ABR: variants seen among roughly 807,000 people sequenced by gnomAD.
ABR encodes active breakpoint cluster region-related protein.
In ABR, 35 loss-of-function variants were observed where a neutral mutation model predicts 107.2. The ratio of observed to expected loss-of-function variants is 0.33; its 90% CI spans 0.25 to 0.43. ABR has a LOEUF of 0.43. Ranked by LOEUF, ABR falls within the 20% of genes least tolerant of loss-of-function variation. The pLI is 1.00. For missense variants in ABR, 815 were observed against 1,115.2 expected, an observed-to-expected ratio of 0.73 and a Z score of 3.83; for synonymous variants, 498 against 462.0, an observed-to-expected ratio of 1.08 and a Z score of -1.00.
intron 16 of ABR, among the ~76,000 whole-genome samples, chr17:1,028,792 C>T (rs1435970510): frequency 6.6e-6 from 1 of 152,230 alleles, no homozygotes; most frequent in Non-Finnish European, 1.5e-5. Flanking sequence ...CGCCGGCCAG[C>T]ATCTGGCCTG....
chr17:1,090,140 A>C (rs991559325), intron 4 of ABR, among the ~76,000 whole-genome samples: 1 of 152,168 alleles, frequency 6.6e-6, no homozygotes, highest in African/African-American at 2.4e-5. Flanking sequence ...GAGAGGGGGA[A>C]GGACGTTTCA....
rs761667866 is a variant in ABR, at chr17:1,072,645, C to A, written c.863G>T (p.Arg288Leu). Residue 288 changes from arginine to leucine, a missense_variant, in exon 8 of 23, where the codon CGC (arginine) becomes CTC (leucine). By Grantham distance (102) the Arg-to-Leu change is moderately radical. Around this residue, in one of 5 missense-constraint regions of ABR, gnomAD observed 385 missense variants for 596.9 expected, o/e 0.64. Coordinates refer to ENST00000302538, the MANE Select transcript of ABR (RefSeq NM_021962.5). ...CTTGGGCGTTGTCACTGCAGTCCGG[C>A]GGGGGTCGATGTCCTCGTTGATGCT... ...LSSINEDIDP[R>L]RTAVTTPKGE... The A allele has an allele frequency of 3.7e-6, 6 of 1,611,354 alleles. No individual in the cohort carries two copies. Among genetic ancestry groups the A allele is most frequent in the Non-Finnish European group, 2.5e-6 (3 of 1,178,946 alleles).
chr17:1,138,494 T>TA (rs1456356337), intron 1 of ABR, among the ~76,000 whole-genome samples: 2 of 152,276 alleles, frequency 1.3e-5, no homozygotes, highest in East Asian at 1.9e-4. Context: ...TTGTTTTTTT[T>TA]AGAGACAGAG....
At position 1,051,279 on chromosome 17, in the gene ABR, A is replaced by G. The variant is rs2032483654; in HGVS notation, c.1562-645T>C. Among the ~76,000 whole-genome samples the G allele has an allele frequency of 1.3e-5, 2 of 152,174 alleles. No individual in the cohort carries two copies. Among genetic ancestry groups the G allele is most frequent in the Non-Finnish European group, 2.9e-5 (2 of 68,024 alleles). On this transcript the variant is annotated intron_variant, in intron 14 of 22. Transcript: ENST00000302538. The surrounding 1 kb of genome is among the most constrained non-coding windows in gnomAD (Gnocchi z 4.3). ...CCTAGTCTCTCTCCCCCCACGACGT[A>G]AACACCATGTGGAGAGAAGCCTGGG...
intron 1 of ABR, chr17:1,228,251 C>G (rs1272561262): frequency 6.6e-6 from 1 of 152,280 alleles, no homozygotes; most frequent in Non-Finnish European, 1.5e-5. Context: ...TGGTGAGGGC[C>G]GTGGCCCTTC....
intron 1 of ABR, among the ~76,000 whole-genome samples, chr17:1,161,509 GT>G (rs1296682798): frequency 6.6e-6 from 1 of 151,112 alleles, no homozygotes; most frequent in African/African-American, 2.4e-5. Context: ...GCCTCCCAAA[GT>G]GCTAGGATAA....
rs765311229 is a variant in ABR at position 1,125,430 on chromosome 17, C to T, written c.62-63G>A. The T allele has an allele frequency of 3.8e-5, 60 of 1,587,140 alleles. 1 individual carries two copies. The East Asian group carries it at 3.8e-4, about 10-fold the overall frequency. ...CACCAGAGCTGCCAGGGACTGGTAG[C>T]GTAGTGGGCGCCGGCGGCGGCCCCC... On this transcript the variant is annotated intron_variant, in intron 1 of 22. Transcript: ENST00000302538.
chr17:1,047,650 C>T (rs1349317095), intron 16 of ABR, among the ~76,000 whole-genome samples: 1 of 152,254 alleles, frequency 6.6e-6, no homozygotes, highest in Non-Finnish European at 1.5e-5. Context: ...TTAATATCAA[C>T]TCCCAGGCAT....
chr17:1,091,304 G>A lies in ABR; in HGVS notation c.531+361C>T, dbSNP rs139668169. ...CCCTCCGGGAGAGAGAGGGAGCACC[G>A]TCCGGGAAAGACGGAGCACCCTCCG... is the stretch of plus-strand genomic sequence containing the variant. On this transcript the variant is annotated intron_variant, in intron 4 of 22. Transcript: ENST00000302538. Among the ~76,000 whole-genome samples, 1,114 of 151,552 alleles carry A rather than the reference G, an allele frequency of 7.4e-3. 19 individuals carry two copies. The highest frequency in any genetic ancestry group is 0.026 in the African/African-American group (1,073 of 41,296).
At chr17:1,023,758 T>C (rs1272862661) in intron 16 of ABR, among the ~76,000 whole-genome samples, 1 of 152,006 alleles carries the variant, frequency 6.6e-6, no homozygotes, top group African/African-American at 2.4e-5. Context: ...GGCGCGGTGG[T>C]TCACACCTGT....
intron 21 of ABR, 42 bp from the exon 22 acceptor site, chr17:1,007,354 C>A: frequency 6.2e-7 from 1 of 1,610,870 alleles, no homozygotes; most frequent in Non-Finnish European, 8.5e-7. Context: ...CCTTCCTCAG[C>A]AGCCACTCGG....
rs752552337 is a variant in ABR at position 1,067,261 on chromosome 17, G to A, written c.1017-19C>T. 2 of 1,555,640 alleles carry A rather than the reference G, an allele frequency of 1.3e-6. No homozygotes were observed. Among genetic ancestry groups the A allele is most frequent in the East Asian group, 4.6e-5 (2 of 43,956 alleles). ...GTGCTTCCTGCAAACGAGCCAGAGG[G>A]AGCCATGAGCCAGAGGGAGCCTGGC... On this transcript the variant is annotated intron_variant, in intron 9 of 22. Transcript: ENST00000302538.
rs2035165935 is a variant in ABR, at chr17:1,070,664, G to C, written c.895-574C>G. On this transcript the variant is annotated intron_variant, in intron 8 of 22. Coordinates refer to ENST00000302538, the MANE Select transcript of ABR (RefSeq NM_021962.5). The surrounding 1 kb of genome is among the most constrained non-coding windows in gnomAD (Gnocchi z 4.2). The stretch of plus-strand genomic sequence containing the variant: ...GATGAGACCTGGGCCCTCCAGCCTG[G>C]GACTGCAGCAGTGCCCAGAGGGGAC... Among the ~76,000 whole-genome samples, 1 of 151,962 alleles carries C rather than the reference G, an allele frequency of 6.6e-6. No homozygotes were observed. The highest frequency in any genetic ancestry group is 6.6e-5 in the Admixed American group (1 of 15,250).
chr17:1,033,688 G>A lies in ABR; in HGVS notation c.1791+16362C>T, dbSNP rs146864883. Among the ~76,000 whole-genome samples, 215 of 152,280 alleles carry A rather than the reference G, an allele frequency of 1.4e-3. 1 individual carries two copies. The highest frequency in any genetic ancestry group is 2.7e-3 in the Non-Finnish European group (181 of 68,032). On this transcript the variant is annotated intron_variant, in intron 16 of 22. Transcript: ENST00000302538. Reference sequence around the variant, plus strand: ...TCACACGTCACACGCACCCCTGGACGGTGCACACGGAACTTCCTCAAACCT... The same window carrying A: ...TCACACGTCACACGCACCCCTGGACAGTGCACACGGAACTTCCTCAAACCT...
intron 2 of ABR, chr17:1,109,151 G>T: frequency 1.4e-6 from 2 of 1,454,678 alleles, no homozygotes; most frequent in Non-Finnish European, 1.8e-6. Flanking sequence ...GGAGGCGGGC[G>T]GGAGGGGGGG....
chr17:1,198,519 G>A (rs2042612245), intron 1 of ABR, among the ~76,000 whole-genome samples: 1 of 151,132 alleles, frequency 6.6e-6, no homozygotes, highest in Non-Finnish European at 1.5e-5. Flanking sequence ...GAGGCGGGTG[G>A]ATCACCTGAG....
chr17:1,139,170 C>T (rs1204322271), intron 1 of ABR, among the ~76,000 whole-genome samples: 1 of 152,152 alleles, frequency 6.6e-6, no homozygotes, highest in African/African-American at 2.4e-5. Flanking sequence ...ATTTCTTTAG[C>T]CTTGGCTTCT....
intron 2 of ABR, among the ~76,000 whole-genome samples, chr17:1,114,186 T>A (rs959664380): frequency 1.3e-4 from 11 of 83,122 alleles, no homozygotes; most frequent in African/African-American, 4.2e-4. Context: ...AAAAAAAAAA[T>A]TAGGCTGGGC....
chr17:1,056,150 G>A lies in ABR; in HGVS notation c.1487-41C>T, dbSNP rs369057600. Reference sequence around the variant, plus strand: ...GCCCCCAGGGCAGAGGGTGGTCAGCGGATCCCCTCAGCCTCCACCCCAGGC... The same window carrying A: ...GCCCCCAGGGCAGAGGGTGGTCAGCAGATCCCCTCAGCCTCCACCCCAGGC... On this transcript the variant is annotated intron_variant, in intron 13 of 22. Transcript: ENST00000302538. 2.4e-4 allele frequency: 377 copies of A among 1,584,782 alleles called. 3 individuals are homozygous for A. Among genetic ancestry groups the A allele is most frequent in the South Asian group, 1.7e-3 (157 of 90,508 alleles).
Sources: gnomAD v4.1 joint callset for allele counts (sites outside exome capture counted in the v4.1 genomes callset) on GRCh38, gnomAD v4.1.1 for gene constraint, gnomAD v4.1.1 regional missense constraint, Gnocchi (gnomAD v3.1) non-coding constraint, MANE v1.5 for transcripts, NCBI Gene and HGNC (gene_info 2026-07-23, HGNC 2026-07-21) for gene names.